PTPRQ: variants seen among roughly 807,000 people sequenced by gnomAD.
The protein encoded by PTPRQ is protein tyrosine phosphatase receptor type Q.
PTPRQ carries 199 observed loss-of-function variants against 246.0 expected under a neutral mutation model. The ratio of observed to expected loss-of-function variants is 0.81; its 90% CI spans 0.72 to 0.91. The LOEUF (loss-of-function observed/expected upper bound fraction) is 0.91. PTPRQ is among the 40% of genes least tolerant of loss of function. The probability of loss-of-function intolerance (pLI) is 0.00; values close to 1 mark genes in which losing one functional copy is unlikely to be tolerated. For synonymous variants in PTPRQ, 869 were observed against 853.2 expected (o/e 1.02, Z -0.32); for missense variants, 2,624 against 2,528.4 (o/e 1.04, Z -0.81).
intron 8 of PTPRQ, among the ~76,000 whole-genome samples, chr12:80,482,716 G>T (rs1894114560): frequency 6.6e-6 from 1 of 151,314 alleles, no homozygotes; most frequent in African/African-American, 2.5e-5. Context: ...GTGGGCGAAG[G>T]ACATGAACAG....
intron 3 of PTPRQ, among the ~76,000 whole-genome samples, chr12:80,453,462 T>G (rs1359396367): frequency 6.6e-6 from 1 of 150,852 alleles, no homozygotes. Flanking sequence ...GAGTTTCCAG[T>G]TTTTCTGCTC....
intron 26 of PTPRQ, among the ~76,000 whole-genome samples, chr12:80,593,133 A>G (rs942134853): frequency 9.2e-5 from 14 of 152,198 alleles, no homozygotes; most frequent in African/African-American, 3.4e-4. Flanking sequence ...ATCTCAGAGA[A>G]CTGCATTTTA....
chr12:80,559,190 G>A (rs183046036), intron 25 of PTPRQ, among the ~76,000 whole-genome samples: 60 of 152,132 alleles, frequency 3.9e-4, no homozygotes, highest in Non-Finnish European at 7.6e-4. Flanking sequence ...GACTACAGAC[G>A]CGTGCCACCA....
chr12:80,498,073 G>A (rs1052105018), intron 14 of PTPRQ, among the ~76,000 whole-genome samples: 8 of 151,962 alleles, frequency 5.3e-5, no homozygotes, highest in Non-Finnish European at 8.8e-5. Flanking sequence ...AATGAAAGGA[G>A]CATTTTACAT....
At chr12:80,630,889 G>A (rs1899405737) in intron 33 of PTPRQ, among the ~76,000 whole-genome samples, 1 of 151,950 alleles carries the variant, frequency 6.6e-6, no homozygotes. Context: ...GCTAATTTTT[G>A]TATTTTTAGT....
chr12:80,467,994 A>T (rs1390122955), intron 6 of PTPRQ, among the ~76,000 whole-genome samples: 3 of 152,168 alleles, frequency 2.0e-5, no homozygotes, highest in South Asian at 2.1e-4. Flanking sequence ...GTACCCTAAA[A>T]CTTAAAGTGT....
At chr12:80,492,542 G>A (rs1221026882) in intron 9 of PTPRQ, among the ~76,000 whole-genome samples, 5 of 151,908 alleles carry the variant, frequency 3.3e-5, no homozygotes, top group South Asian at 4.1e-4. Context: ...TGCTAGTGGG[G>A]ATGAAGAAAT....
intron 25 of PTPRQ, among the ~76,000 whole-genome samples, chr12:80,579,867 T>C (rs1897381629): frequency 6.6e-6 from 1 of 152,140 alleles, no homozygotes; most frequent in Admixed American, 6.5e-5. Flanking sequence ...GAAGATTGGG[T>C]TGATAATTTT....
intron 3 of PTPRQ, among the ~76,000 whole-genome samples, chr12:80,446,800 C>T: frequency 6.6e-6 from 1 of 151,910 alleles, no homozygotes; most frequent in African/African-American, 2.4e-5. Flanking sequence ...TGTATATATA[C>T]CACATTTTCT....
In PTPRQ at chr12:80,539,830, A is replaced by G. The variant is rs61729278; in HGVS notation, c.3040A>G (p.Ile1014Val). ...NDFDNMTVST[I>V]IDKLTIFSYY... ...CTTTGACAATATGACTGTATCCACA[A>G]TTATAGATAAACTGACAATATTCAG... The change falls in exon 20 of 45, where the codon ATT becomes GTT. Residue 1014 changes from isoleucine to valine, a missense_variant. Physicochemically the swap from Ile to Val is conservative, Grantham distance 29. Coordinates refer to ENST00000644991, the MANE Select transcript of PTPRQ (RefSeq NM_001145026.2). 21,327 of 1,548,418 alleles carry G rather than the reference A, an allele frequency of 0.014. 1,108 individuals carry two copies. The African/African-American group carries it at 0.14, about 10-fold the overall frequency.
rs1440370257 is a variant in PTPRQ, at chr12:80,495,257, G to T, written c.1768G>T (p.Asp590Tyr). ...TTCTTCATCTATTTTGTTATATTGG[G>T]ATCCTCCAGAATATCCCAATGGAAA... ...ISSSSILLYW[D>Y]PPEYPNGKIT... Residue 590 changes from aspartate (D) to tyrosine (Y), a missense_variant, in exon 12 of 45, where the codon GAT becomes TAT. Transcript: ENST00000644991. The T allele has an allele frequency of 1.3e-6, 2 of 1,544,810 alleles. No individual in the cohort carries two copies. The highest frequency in any genetic ancestry group is 1.7e-6 in the Non-Finnish European group (2 of 1,144,944).
chr12:80,661,181 T>G (rs1369084758), intron 39 of PTPRQ, among the ~76,000 whole-genome samples: 1 of 151,472 alleles, frequency 6.6e-6, no homozygotes, highest in Non-Finnish European at 1.5e-5. Context: ...GAATCTCTGC[T>G]TTTAATGACA....
chr12:80,657,558 CAA>C (rs1900483693), intron 38 of PTPRQ, among the ~76,000 whole-genome samples: 1 of 151,490 alleles, frequency 6.6e-6, no homozygotes, highest in Non-Finnish European at 1.5e-5. Context: ...TTTATAATTA[CAA>C]AGTGAATCAT....
intron 39 of PTPRQ, among the ~76,000 whole-genome samples, chr12:80,667,414 C>A (rs993328316): frequency 6.6e-6 from 1 of 151,870 alleles, no homozygotes; most frequent in Non-Finnish European, 1.5e-5. Flanking sequence ...TTCTGAATAA[C>A]CTATTTCTGA....
intron 35 of PTPRQ, among the ~76,000 whole-genome samples, chr12:80,641,907 CTT>C (rs1592749549): frequency 6.6e-6 from 1 of 151,602 alleles, no homozygotes; most frequent in African/African-American, 2.4e-5. Flanking sequence ...CGCTCTCTCT[CTT>C]TCTCTCCCTC....
intron 25 of PTPRQ, among the ~76,000 whole-genome samples, chr12:80,560,537 C>A (rs1033006377): frequency 2.0e-5 from 3 of 152,126 alleles, no homozygotes; most frequent in Non-Finnish European, 2.9e-5. Flanking sequence ...TATTAATGAT[C>A]TTCTGAAGGC....
At chr12:80,556,040 T>C (rs1312523241) in intron 25 of PTPRQ, among the ~76,000 whole-genome samples, 1 of 152,208 alleles carries the variant, frequency 6.6e-6, no homozygotes, top group Non-Finnish European at 1.5e-5. Flanking sequence ...TGAAGATTTT[T>C]TTTTTGAGAC....
At chr12:80,575,045 A>C (rs1897247394) in intron 25 of PTPRQ, among the ~76,000 whole-genome samples, 1 of 152,176 alleles carries the variant, frequency 6.6e-6, no homozygotes, top group Non-Finnish European at 1.5e-5. Context: ...AGTTTGATAT[A>C]AGTTATCACC....
At chr12:80,590,367 T>C (rs1897752875) in intron 26 of PTPRQ, among the ~76,000 whole-genome samples, 1 of 152,114 alleles carries the variant, frequency 6.6e-6, no homozygotes. Flanking sequence ...GTCACTTTCT[T>C]GCTTAAAACT....
Sources: gnomAD v4.1 joint callset for allele counts (sites outside exome capture counted in the v4.1 genomes callset) on GRCh38, gnomAD v4.1.1 for gene constraint, MANE v1.5 for transcripts, NCBI Gene and HGNC (gene_info 2026-07-23, HGNC 2026-07-21) for gene names.